AZI2: variants seen among roughly 807,000 people sequenced by gnomAD.
AZI2 encodes 5-azacytidine-induced protein 2.
Under a neutral mutation model 45.8 loss-of-function variants are expected in AZI2, and 22 were observed. The ratio of observed to expected loss-of-function variants is 0.48; its 90% confidence interval spans 0.34 to 0.69. The LOEUF is 0.69. AZI2 is among the 30% of genes least tolerant of loss of function. The probability of loss-of-function intolerance (pLI) is 0.01; values close to 1 mark genes in which losing one functional copy is unlikely to be tolerated. For synonymous variants in AZI2, 137 were observed against 156.7 expected (o/e 0.87, Z 0.94); for missense variants, 417 against 441.5 (o/e 0.94, Z 0.50).
chr3:28,325,786 T>C (rs1274749170), intron 7 of AZI2, among the ~76,000 whole-genome samples: 2 of 151,048 alleles, frequency 1.3e-5, no homozygotes, highest in African/African-American at 4.8e-5. Context: ...TTTGGTCTCA[T>C]ATATAACTCT....
At chr3:28,340,916 T>C (rs1354315478) in intron 1 of AZI2, among the ~76,000 whole-genome samples, 1 of 152,076 alleles carries the variant, frequency 6.6e-6, no homozygotes, top group Non-Finnish European at 1.5e-5. Context: ...TAGTATGTTC[T>C]ATAAAAATCT....
In AZI2 at chr3:28,340,510, A is replaced by C. The variant is rs1703970664; in HGVS notation, c.108T>G (p.Ala36=). 3 of 1,612,984 alleles carry C rather than the reference A, an allele frequency of 1.9e-6. No individual in the cohort carries two copies. The African/African-American group carries it at 4.0e-5, about 22-fold the overall frequency. ...VSIYSGDESV[A]SHFALVTAYE... ...ATGCAGTGACAAGAGCAAAATGGGA[A>C]GCAACAGATTCATCTCCTGAATATA... is the stretch of plus-strand genomic sequence containing the variant. The change falls in exon 2 of 8, where the codon GCT becomes GCG. Residue 36 remains alanine (A), a synonymous_variant. Coordinates refer to ENST00000479665, the MANE Select transcript of AZI2 (RefSeq NM_022461.5).
rs770756125 is a variant in AZI2, at chr3:28,337,917, A to G, written c.439+20T>C. Reference sequence around the variant, plus strand: ...ATATGTTAATTCTGTTAGAATATTTATAACAAGTAACTGGCATACCCTGCT... The same window carrying G: ...ATATGTTAATTCTGTTAGAATATTTGTAACAAGTAACTGGCATACCCTGCT... On this transcript the variant is annotated intron_variant, in intron 4 of 7. Transcript: ENST00000479665. The G allele has an allele frequency of 1.4e-6, 2 of 1,401,198 alleles. No homozygotes were observed. Among genetic ancestry groups the G allele is most frequent in the Non-Finnish European group, 1.9e-6 (2 of 1,029,790 alleles). 86.8% of individuals were successfully genotyped at this position (1,401,198 alleles called of 1,614,324 possible).
chr3:28,340,796 C>T (rs1374309756), intron 1 of AZI2, among the ~76,000 whole-genome samples, 174 bp from the exon 2 acceptor site: 1 of 152,048 alleles, frequency 6.6e-6, no homozygotes, highest in Non-Finnish European at 1.5e-5. Context: ...GTTGCTTAAC[C>T]TCTATGCCTC....
Position 28,324,407 on chromosome 3 carries a change from T to C in AZI2, c.814A>G (p.Lys272Glu). ...GCAGTAAAATTCATCAAGTGCAGTTTTGTGCTGTCTCTTCCAAGGTCTTCA... is the reference window on the plus strand; with the variant it reads ...GCAGTAAAATTCATCAAGTGCAGTTCTGTGCTGTCTCTTCCAAGGTCTTCA... ...CSEDLGRDSTKLHLMNFTATY... is the reference protein window; with the variant it reads ...CSEDLGRDSTELHLMNFTATY... Residue 272 changes from lysine to glutamate, a missense_variant, in exon 8 of 8, where the codon AAA becomes GAA. Transcript: ENST00000479665. 6.5e-7 allele frequency: 1 copy of C among 1,542,934 alleles called. No homozygotes were observed. Among genetic ancestry groups the C allele is most frequent in the Non-Finnish European group, 8.7e-7 (1 of 1,143,872 alleles).
intron 1 of AZI2, among the ~76,000 whole-genome samples, chr3:28,346,138 G>C (rs1704217600): frequency 6.6e-6 from 1 of 152,046 alleles, no homozygotes; most frequent in Non-Finnish European, 1.5e-5. Context: ...ATACAAAAGG[G>C]ATTCTGGTTA....
At chr3:28,331,880 AG>A (rs561734909) in intron 6 of AZI2, 59 of 1,548,192 alleles carry the variant, frequency 3.8e-5, no homozygotes, top group South Asian at 3.6e-4. Flanking sequence ...TTATGCGAAG[AG>A]GGAACAGTCC....
intron 5 of AZI2, among the ~76,000 whole-genome samples, chr3:28,332,705 T>C (rs895050081): frequency 6.6e-6 from 1 of 151,766 alleles, no homozygotes. Flanking sequence ...TCTTACAAAA[T>C]ATATTTCTAA....
chr3:28,331,643 T>G, intron 6 of AZI2: 1 of 1,214,422 alleles, frequency 8.2e-7, no homozygotes, highest in Non-Finnish European at 1.0e-6. Context: ...TTCACATTAT[T>G]TACTTAGGTC....
intron 4 of AZI2, among the ~76,000 whole-genome samples, chr3:28,337,329 T>C (rs984733727): frequency 6.6e-6 from 1 of 151,652 alleles, no homozygotes; most frequent in African/African-American, 2.4e-5. Context: ...GATACTGCTT[T>C]ATTCTTTAAT....
chr3:28,325,931 C>T lies in AZI2; in HGVS notation c.766+901G>A, dbSNP rs528908402. The stretch of plus-strand genomic sequence containing the variant: ...GGAGTTCTACATTCAATTTTCCTTC[C>T]CAAAATTTAACATTTTTCCTCACTA... On this transcript the variant is annotated intron_variant, in intron 7 of 7. Coordinates refer to ENST00000479665, the MANE Select transcript of AZI2 (RefSeq NM_022461.5). 1.1e-4 allele frequency among the ~76,000 whole-genome samples: 16 copies of T among 151,032 alleles called. No homozygotes were observed. In the South Asian group the frequency reaches 3.3e-3, roughly 31 times the overall value.
intron 1 of AZI2, among the ~76,000 whole-genome samples, chr3:28,345,054 C>T (rs1162771538): frequency 6.6e-6 from 1 of 152,118 alleles, no homozygotes; most frequent in African/African-American, 2.4e-5. Context: ...CAGTGTTTGA[C>T]AAAGGTGTGG....
chr3:28,342,257 A>T (rs536607904), intron 1 of AZI2, among the ~76,000 whole-genome samples: 97 of 152,202 alleles, frequency 6.4e-4, no homozygotes, highest in African/African-American at 2.2e-3. Flanking sequence ...GTTAAAATAA[A>T]TGTGTATACT....
chr3:28,336,648 A>T (rs977485623), intron 5 of AZI2, 89 bp downstream of exon 5: 26 of 1,307,974 alleles, frequency 2.0e-5, no homozygotes, highest in Non-Finnish European at 2.3e-5. Context: ...ATTTATTTTA[A>T]CTCTATGGTT....
intron 1 of AZI2, among the ~76,000 whole-genome samples, chr3:28,343,547 T>A (rs1374783269): frequency 1.3e-5 from 2 of 151,968 alleles, no homozygotes; most frequent in Non-Finnish European, 1.5e-5. Flanking sequence ...TTTTTTTTTT[T>A]AATTCACAAC....
At position 28,347,686 on chromosome 3, in the gene AZI2, C is replaced by T. The variant is rs76748468; in HGVS notation, c.-6+915G>A. ...TTATGCTGTCTCTTTAATATTAAAA[C>T]CTTCTACTTGCGTAAGATGTCTGGC... is the stretch of plus-strand genomic sequence containing the variant. On this transcript the variant is annotated intron_variant, in intron 1 of 7. Transcript: ENST00000479665. 8.0e-3 allele frequency among the ~76,000 whole-genome samples: 1,222 copies of T among 152,270 alleles called. 5 individuals are homozygous for T. The highest frequency in any genetic ancestry group is 0.013 in the Non-Finnish European group (906 of 68,030).
At chr3:28,326,542 G>A in intron 7 of AZI2, 1 of 220,386 alleles carries the variant, frequency 4.5e-6, no homozygotes, top group Non-Finnish European at 8.8e-6. Flanking sequence ...AGGTCAACTA[G>A]AGCAAACTTA....
chr3:28,341,026 T>A (rs1703996553), intron 1 of AZI2, among the ~76,000 whole-genome samples: 1 of 152,040 alleles, frequency 6.6e-6, no homozygotes, highest in Non-Finnish European at 1.5e-5. Flanking sequence ...TAGTAGCAAG[T>A]TTCATAGCTT....
In AZI2 at chr3:28,324,024, T is replaced by C. The variant is rs1416431662; in HGVS notation, c.*18A>G. 1 of 1,582,322 alleles carries C rather than the reference T, an allele frequency of 6.3e-7. No individual in the cohort carries two copies. Among genetic ancestry groups the C allele is most frequent in the African/African-American group, 1.4e-5 (1 of 73,714 alleles). ...AGAGATAAGTGTCCTCATGGTGAAATCGTGAATCTCTTCCAAATTAATTCT... is the reference window on the plus strand; with the variant it reads ...AGAGATAAGTGTCCTCATGGTGAAACCGTGAATCTCTTCCAAATTAATTCT... On this transcript the variant is annotated 3_prime_UTR_variant, in exon 8 of 8. Coordinates refer to ENST00000479665, the MANE Select transcript of AZI2 (RefSeq NM_022461.5).
Sources: gnomAD v4.1 joint callset for allele counts (sites outside exome capture counted in the v4.1 genomes callset) on GRCh38, gnomAD v4.1.1 for gene constraint, MANE v1.5 for transcripts, NCBI Gene and HGNC (gene_info 2026-07-23, HGNC 2026-07-21) for gene names.